Variants in PRIM1 observed in about 807,000 individuals in gnomAD.
PRIM1 encodes the protein DNA primase subunit 1.
A neutral mutation model predicts 60.2 loss-of-function variants in PRIM1; 38 were observed. The observed-to-expected ratio is 0.63, with a 90% confidence interval of 0.49 to 0.83. PRIM1 has a LOEUF of 0.83. Ranked by LOEUF, PRIM1 falls within the 40% of genes least tolerant of loss-of-function variation. The probability of loss-of-function intolerance (pLI) is 0.00; values close to 1 mark genes in which losing one functional copy is unlikely to be tolerated. For synonymous variants in PRIM1, 158 were observed against 160.2 expected, an observed-to-expected ratio of 0.99 and a Z score of 0.10; for missense variants, 388 against 506.2, an observed-to-expected ratio of 0.77 and a Z score of 2.24.
rs555012604 is a variant in PRIM1, at chr12:56,738,366, T to C, written c.1144+68A>G. 2,210 of 1,519,946 alleles carry C rather than the reference T, an allele frequency of 1.5e-3. 1 individual carries two copies. Among genetic ancestry groups the C allele is most frequent in the Admixed American group, 2.1e-3 (98 of 46,432 alleles). 94.2% of individuals were successfully genotyped at this position (1,519,946 alleles called of 1,614,324 possible). A position where few individuals can be genotyped will look rare whatever the true frequency, so the allele number is the denominator to read the frequency against. On this transcript the variant is annotated intron_variant, in intron 11 of 12. Coordinates refer to ENST00000338193, the MANE Select transcript of PRIM1 (RefSeq NM_000946.3). ...CTAGTTGAATCAGAGAATTAATTAC[T>C]GGAGTGACAGATGGATATCTATATA... is the stretch of plus-strand genomic sequence containing the variant.
chr12:56,742,301 C>T (rs963041765), intron 7 of PRIM1, among the ~76,000 whole-genome samples: 13 of 148,786 alleles, frequency 8.7e-5, no homozygotes, highest in African/African-American at 3.0e-4. Context: ...CAGCTGTATC[C>T]GGCCGGGCAC....
In PRIM1 at chr12:56,751,076, GATTC is replaced by G. The variant is rs1953951062; in HGVS notation, c.219_222del (p.Met73IlefsTer7). ...ACTGCGCCTATATCAATCTTGTATG[GATTC>G]ATTTTCTGCATCTCCTTTTCCAGAT... On this transcript the variant is annotated frameshift_variant, in exon 2 of 13. Transcript: ENST00000338193. LOFTEE classifies it high-confidence loss of function. 2.5e-6 allele frequency: 4 copies of G among 1,598,794 alleles called. No individual in the cohort carries two copies. The highest frequency in any genetic ancestry group is 3.4e-6 in the Non-Finnish European group (4 of 1,171,934).
intron 7 of PRIM1, chr12:56,742,193 CAGTG>C (rs978008584): frequency 1.7e-5 from 5 of 297,884 alleles, no homozygotes; most frequent in African/African-American, 1.1e-4. Flanking sequence ...GTGAAGGTTG[CAGTG>C]AGCTGAGATT....
At chr12:56,746,669 CACACACA>C (rs758498012) in intron 4 of PRIM1, 105 bp downstream of exon 4, 2 of 786,828 alleles carry the variant, frequency 2.5e-6, no homozygotes, top group East Asian at 3.2e-5. Flanking sequence ...CACACACACA[CACACACA>C]AATTAATGAG....
intron 5 of PRIM1, among the ~76,000 whole-genome samples, chr12:56,745,777 A>T (rs563475758): frequency 4.1e-4 from 62 of 152,178 alleles, no homozygotes; most frequent in African/African-American, 1.4e-3. Context: ...AGTCTTTACT[A>T]AAAATACAAA....
intron 11 of PRIM1, among the ~76,000 whole-genome samples, chr12:56,736,661 G>C (rs1204592351): frequency 3.3e-5 from 5 of 151,912 alleles, no homozygotes; most frequent in African/African-American, 1.2e-4. Context: ...GCACCACCAT[G>C]CCTGGCTAAT....
rs778674365 is a variant in PRIM1 at position 56,741,520 on chromosome 12, C to T, written c.897G>A (p.Gln299=). ...TGATATCCAGCCGTGGAAAACAGTA[C>T]TGGAGCATAATCTCCCACTCCAGCC... ...GPWLEWEIML[Q]YCFPRLDINV... Residue 299 remains glutamine (Q), a synonymous_variant, in exon 9 of 13, where the codon CAG becomes CAA. Transcript: ENST00000338193. The T allele has an allele frequency of 2.3e-5, 37 of 1,613,670 alleles. No homozygotes were observed. Among genetic ancestry groups the T allele is most frequent in the Middle Eastern group, 3.3e-4 (2 of 6,062 alleles).
intron 11 of PRIM1, among the ~76,000 whole-genome samples, chr12:56,735,561 T>G (rs939266591): frequency 6.6e-6 from 1 of 152,102 alleles, no homozygotes; most frequent in Non-Finnish European, 1.5e-5. Context: ...AGCTGGCTAA[T>G]TTTTTATTTT....
At chr12:56,733,451 A>C (rs1953798954) in intron 12 of PRIM1, among the ~76,000 whole-genome samples, 1 of 148,090 alleles carries the variant, frequency 6.8e-6, no homozygotes, top group African/African-American at 2.6e-5. Flanking sequence ...GAGCCACTGC[A>C]CCCGGCTAGG....
chr12:56,734,919 C>A (rs991554826), intron 11 of PRIM1, among the ~76,000 whole-genome samples: 1 of 150,242 alleles, frequency 6.7e-6, no homozygotes, highest in Non-Finnish European at 1.5e-5. Context: ...TCAAGCAATT[C>A]TCCTACCTCA....
rs147244458 is a variant in PRIM1, at chr12:56,742,904, C to A, written c.748+83G>T. ...GATTAAACTTATAAGTATATGAGAA[C>A]TTACAAGCAGACATGTCTAACATTT... On this transcript the variant is annotated intron_variant, in intron 7 of 12. Transcript: ENST00000338193. 1.1e-5 allele frequency: 11 copies of A among 1,039,302 alleles called. No homozygotes were observed. In the African/African-American group the frequency reaches 1.9e-4, roughly 18 times the overall value. The allele number at this position is 1,039,302 out of a possible 1,614,324, so 64.4% of individuals were successfully genotyped here. A position where few individuals can be genotyped will look rare whatever the true frequency, so the allele number is the denominator to read the frequency against.
intron 7 of PRIM1, among the ~76,000 whole-genome samples, chr12:56,742,494 G>A (rs762749077): frequency 2.0e-5 from 3 of 151,842 alleles, no homozygotes; most frequent in African/African-American, 4.8e-5. Context: ...GTTTGAACCC[G>A]GGAGGCGGAG....
intron 4 of PRIM1, 153 bp downstream of exon 4, chr12:56,746,628 A>T (rs921288259): frequency 5.2e-4 from 127 of 242,712 alleles, no homozygotes; most frequent in Middle Eastern, 2.4e-3. Flanking sequence ...GAGACTCGTC[A>T]CACACACACA....
intron 9 of PRIM1, among the ~76,000 whole-genome samples, chr12:56,739,929 G>A (rs1953859310): frequency 6.6e-6 from 1 of 152,048 alleles, no homozygotes; most frequent in South Asian, 2.1e-4. Context: ...ACAAGGTCAG[G>A]AGTTCAAGAC....
chr12:56,739,256 A>G, intron 10 of PRIM1, 38 bp downstream of exon 10: 1 of 1,394,328 alleles, frequency 7.2e-7, no homozygotes, highest in Non-Finnish European at 9.7e-7. Context: ...TCATAACAAC[A>G]ATTACAAACA....
chr12:56,732,831 A>G (rs1450761005), intron 12 of PRIM1, among the ~76,000 whole-genome samples: 2 of 151,624 alleles, frequency 1.3e-5, no homozygotes, highest in East Asian at 1.9e-4. Context: ...ACCTTATGGT[A>G]TAGTATATTG....
At chr12:56,738,109 CAAAG>C (rs1953846391) in intron 11 of PRIM1, among the ~76,000 whole-genome samples, 2 of 151,804 alleles carry the variant, frequency 1.3e-5, no homozygotes, top group Admixed American at 1.3e-4. Flanking sequence ...GCATCAGAAA[CAAAG>C]AAAAAAAGTA....
Position 56,746,163 on chromosome 12 carries a change from T to A in PRIM1, c.461A>T (p.His154Leu). The change falls in exon 5 of 13, where the codon CAT (histidine) becomes CTT (leucine). Residue 154 changes from histidine (H) to leucine (L), a missense_variant. Around this residue, in one of 3 missense-constraint regions of PRIM1, gnomAD observed 21 missense variants for 52.5 expected, o/e 0.40. Transcript: ENST00000338193. ...RALKEDFGFK[H>L]RLWVYSGRRG... The stretch of plus-strand genomic sequence containing the variant: ...CCTTCCAGAATATACCCAGAGACGA[T>A]GCTTAAATCCAAAGTCCTCTGAGGA... 6.2e-7 allele frequency: 1 copy of A among 1,611,644 alleles called. No individual in the cohort carries two copies. Among genetic ancestry groups the A allele is most frequent in the Non-Finnish European group, 8.5e-7 (1 of 1,179,156 alleles).
intron 11 of PRIM1, 62 bp from the exon 12 acceptor site, chr12:56,734,307 CA>C: frequency 9.4e-7 from 1 of 1,062,808 alleles, no homozygotes; most frequent in Non-Finnish European, 1.4e-6. Context: ...CATGAAAACA[CA>C]ACTAAGTTTC....
Sources: allele counts gnomAD v4.1 joint callset (sites outside exome capture counted in the v4.1 genomes callset), GRCh38; gene constraint gnomAD v4.1.1; regional missense constraint gnomAD v4.1.1; transcripts MANE v1.5; gene names NCBI Gene and HGNC (gene_info 2026-07-23, HGNC 2026-07-21).